ATP8B4: variants seen among roughly 807,000 people sequenced by gnomAD.
The protein encoded by ATP8B4 is probable phospholipid-transporting ATPase IM.
A neutral mutation model predicts 145.6 loss-of-function variants in ATP8B4; 133 were observed. That is an observed-to-expected ratio of 0.91 (90% CI 0.79 to 1.05). The LOEUF (loss-of-function observed/expected upper bound fraction) is 1.05. ATP8B4 is among the 50% of genes least tolerant of loss of function. The pLI is 0.00. For missense variants in ATP8B4, 1,458 were observed against 1,425.2 expected (o/e 1.02, Z -0.37); for synonymous variants, 507 against 492.9 (o/e 1.03, Z -0.38).
intron 1 of ATP8B4, among the ~76,000 whole-genome samples, chr15:50,139,211 G>C (rs562177512): frequency 4.3e-4 from 66 of 152,240 alleles, no homozygotes; most frequent in Admixed American, 2.2e-3. Flanking sequence ...TGACAGACTG[G>C]ATAAAGAAAA....
chr15:49,989,936 T>A (rs1215615358), intron 9 of ATP8B4, among the ~76,000 whole-genome samples: 1 of 152,160 alleles, frequency 6.6e-6, no homozygotes, highest in African/African-American at 2.4e-5. Context: ...CATAATAGGA[T>A]CTTTGTCGAA....
intron 6 of ATP8B4, among the ~76,000 whole-genome samples, chr15:50,012,134 A>T (rs951711946): frequency 6.6e-6 from 1 of 152,154 alleles, no homozygotes; most frequent in Admixed American, 6.6e-5. Context: ...CTGAACTTTA[A>T]CTAGTTTGAC....
intron 14 of ATP8B4, among the ~76,000 whole-genome samples, chr15:49,956,220 A>G (rs1172476837): frequency 6.6e-6 from 1 of 152,124 alleles, no homozygotes; most frequent in Non-Finnish European, 1.5e-5. Flanking sequence ...TTTGTCTTAG[A>G]GATTGTAGAA....
chr15:49,944,156 C>G (rs1599319237), intron 14 of ATP8B4, among the ~76,000 whole-genome samples: 1 of 152,020 alleles, frequency 6.6e-6, no homozygotes, highest in African/African-American at 2.4e-5. Context: ...GACAAAAAGA[C>G]AAAAGAACTA....
At position 49,987,382 on chromosome 15, in the gene ATP8B4, A is replaced by G. The variant is rs749463475; in HGVS notation, c.748+9T>C. The G allele has an allele frequency of 4.3e-6, 7 of 1,613,016 alleles. No homozygotes were observed. Among genetic ancestry groups the G allele is most frequent in the Admixed American group, 1.7e-5 (1 of 59,964 alleles). ...TCCCACAGAGCTGGCCTTGGGTCAC[A>G]TGCTGTACCTGCAAAAATAACCATT... On this transcript the variant is annotated intron_variant, in intron 10 of 27. Transcript: ENST00000284509.
intron 2 of ATP8B4, among the ~76,000 whole-genome samples, chr15:50,102,815 C>T (rs1169849669): frequency 6.6e-6 from 1 of 151,366 alleles, no homozygotes; most frequent in Non-Finnish European, 1.5e-5. Flanking sequence ...GAACAATATC[C>T]TTTATGAATA....
chr15:49,901,151 A>T lies in ATP8B4; in HGVS notation c.2230T>A (p.Ser744Thr), dbSNP rs775958250. 1.9e-6 allele frequency: 3 copies of T among 1,613,716 alleles called. No homozygotes were observed. The highest frequency in any genetic ancestry group is 1.7e-6 in the Non-Finnish European group (2 of 1,179,716). Residue 744 changes from serine (S) to threonine (T), a missense_variant, in exon 21 of 28, where the codon TCT becomes ACT. Physicochemically the swap from Ser to Thr is moderately conservative, Grantham distance 58. Coordinates refer to ENST00000284509, the MANE Select transcript of ATP8B4 (RefSeq NM_024837.4). The part of the protein sequence containing the change: ...CEKKQQLELD[S>T]IVEETITGDY... ...CCTGTTATGGTTTCTTCTACAATAG[A>T]ATCCAACTCCAGCTGCTGCTTTTTT...
chr15:50,079,367 A>C (rs2153640057), intron 2 of ATP8B4, among the ~76,000 whole-genome samples: 1 of 152,292 alleles, frequency 6.6e-6, no homozygotes, highest in Non-Finnish European at 1.5e-5. Flanking sequence ...AAAATAGCTA[A>C]TCCAATGACC....
intron 1 of ATP8B4, among the ~76,000 whole-genome samples, chr15:50,157,164 C>T (rs1195178556): frequency 6.6e-6 from 1 of 152,132 alleles, no homozygotes; most frequent in Non-Finnish European, 1.5e-5. Context: ...AACCAGAGTA[C>T]TCAAACCAAA....
At chr15:49,979,127 G>A (rs1417864114) in intron 12 of ATP8B4, among the ~76,000 whole-genome samples, 6 of 151,952 alleles carry the variant, frequency 3.9e-5, no homozygotes, top group South Asian at 4.2e-4. Flanking sequence ...GTATGAGGTA[G>A]AACTATTATT....
intron 7 of ATP8B4, among the ~76,000 whole-genome samples, chr15:50,004,701 C>G (rs893038660): frequency 1.3e-5 from 2 of 152,126 alleles, no homozygotes; most frequent in Non-Finnish European, 2.9e-5. Context: ...TACAGATGAG[C>G]AAAGTAAGGC....
At chr15:50,047,186 C>A (rs1018325548) in intron 4 of ATP8B4, among the ~76,000 whole-genome samples, 165 bp downstream of exon 4, 1 of 152,150 alleles carries the variant, frequency 6.6e-6, no homozygotes, top group Admixed American at 6.5e-5. Flanking sequence ...CCATTCCTAC[C>A]TCTCCCACGT....
At chr15:50,060,107 C>G (rs2052901794) in intron 3 of ATP8B4, among the ~76,000 whole-genome samples, 1 of 152,134 alleles carries the variant, frequency 6.6e-6, no homozygotes. Flanking sequence ...AGAGCCATGA[C>G]CCACAGCGTC....
intron 6 of ATP8B4, among the ~76,000 whole-genome samples, chr15:50,021,166 AGAT>A (rs1379011580): frequency 6.0e-5 from 9 of 149,190 alleles, no homozygotes; most frequent in Admixed American, 4.7e-4. Flanking sequence ...ATAGATAGAT[AGAT>A]AATTCTACTT....
chr15:49,981,133 G>C (rs571903189), intron 11 of ATP8B4, 73 bp downstream of exon 11: 1,546 of 1,299,506 alleles, frequency 1.2e-3, no homozygotes, highest in Non-Finnish European at 1.6e-3. Flanking sequence ...GCTTCTTAAA[G>C]AATTCCCAGC....
At chr15:50,117,238 G>A (rs982471030) in intron 1 of ATP8B4, among the ~76,000 whole-genome samples, 1 of 151,894 alleles carries the variant, frequency 6.6e-6, no homozygotes, top group East Asian at 1.9e-4. Flanking sequence ...TTAGTAGAGA[G>A]GGCGTTTCAT....
intron 8 of ATP8B4, among the ~76,000 whole-genome samples, chr15:49,998,898 T>A (rs963993783): frequency 1.4e-4 from 21 of 152,176 alleles, no homozygotes; most frequent in African/African-American, 4.8e-4. Flanking sequence ...CTTTAATCCA[T>A]CTTGAATTAA....
intron 17 of ATP8B4, among the ~76,000 whole-genome samples, chr15:49,921,685 G>A (rs2040275107): frequency 6.6e-6 from 1 of 152,184 alleles, no homozygotes; most frequent in Non-Finnish European, 1.5e-5. Flanking sequence ...ATCAGGCGTA[G>A]GTTAAACTGT....
At chr15:49,919,333 A>G (rs1444611648) in intron 18 of ATP8B4, among the ~76,000 whole-genome samples, 1 of 152,188 alleles carries the variant, frequency 6.6e-6, no homozygotes, top group Admixed American at 6.5e-5. Context: ...GCTGATCACA[A>G]AAAGTCTAGT....
Sources: allele counts gnomAD v4.1 joint callset (sites outside exome capture counted in the v4.1 genomes callset), GRCh38; gene constraint gnomAD v4.1.1; transcripts MANE v1.5; gene names NCBI Gene and HGNC (gene_info 2026-07-23, HGNC 2026-07-21).